Variants in SGCD observed in about 807,000 individuals in gnomAD.
SGCD encodes the protein sarcoglycan delta, also known as delta-sarcoglycan.
In SGCD, 18 loss-of-function variants were observed where a neutral mutation model predicts 36.6. The observed-to-expected ratio is 0.49, with a 90% CI of 0.34 to 0.73. The LOEUF is 0.73. Among genes scored for constraint, SGCD ranks in the 30% least tolerant of loss-of-function variants. The pLI, the probability that SGCD is intolerant of heterozygous loss-of-function variation, is 0.01. For missense variants in SGCD, 387 were observed against 346.7 expected, an observed-to-expected ratio of 1.12 and a Z score of -0.92; for synonymous variants, 133 against 130.6, an observed-to-expected ratio of 1.02 and a Z score of -0.12.
chr5:156,412,774 G>T (rs966288047), intron 3 of SGCD, among the ~76,000 whole-genome samples: 7 of 147,850 alleles, frequency 4.7e-5, no homozygotes, highest in Non-Finnish European at 7.4e-5. Context: ...GATTGAATCA[G>T]GCAGGGTTGG....
chr5:156,145,907 T>C (rs1038952660), intron 3 of SGCD, among the ~76,000 whole-genome samples: 5 of 152,074 alleles, frequency 3.3e-5, no homozygotes, highest in African/African-American at 9.7e-5. Context: ...GAGCAACAGA[T>C]ATAGCTTTAA....
chr5:156,335,291 A>G (rs1768290332), intron 2 of SGCD, among the ~76,000 whole-genome samples: 1 of 152,242 alleles, frequency 6.6e-6, no homozygotes, highest in Admixed American at 6.5e-5. Flanking sequence ...AAACTTAAAT[A>G]CAAGGTATAT....
chr5:155,987,157 CA>C (rs1481965876), intron 1 of SGCD, among the ~76,000 whole-genome samples: 2 of 152,034 alleles, frequency 1.3e-5, no homozygotes, highest in African/African-American at 4.8e-5. Context: ...AGCTTATTTC[CA>C]AAAAGGCCAT....
chr5:155,831,005 AC>A, the SGCD span, among the ~76,000 whole-genome samples: 1 of 152,154 alleles, frequency 6.6e-6, no homozygotes, highest in East Asian at 1.9e-4. Flanking sequence ...TGCTCTCTGA[AC>A]CCCATACATT....
chr5:156,649,824 C>CA (rs1200180914), intron 7 of SGCD, among the ~76,000 whole-genome samples: 1 of 151,978 alleles, frequency 6.6e-6, no homozygotes, highest in Non-Finnish European at 1.5e-5. Context: ...AACAAACCTG[C>CA]ACGTTGTGCA....
rs149869091 is a variant in SGCD, at chr5:156,624,269, T to C, written c.503-23195T>C. 8.7e-4 allele frequency among the ~76,000 whole-genome samples: 133 copies of C among 152,194 alleles called. No individual in the cohort carries two copies. The Middle Eastern group carries it at 0.027, about 31-fold the overall frequency. Reference sequence around the variant, plus strand: ...CCCCACTTCAATAACTTTGATGTTATTGAAGGAAATAACATCAAAAACCAC... The same window carrying C: ...CCCCACTTCAATAACTTTGATGTTACTGAAGGAAATAACATCAAAAACCAC... On this transcript the variant is annotated intron_variant, in intron 6 of 8. Coordinates refer to ENST00000337851, the MANE Select transcript of SGCD (RefSeq NM_000337.6).
chr5:156,743,831 A>G (rs1756812981), intron 7 of SGCD, among the ~76,000 whole-genome samples: 1 of 152,238 alleles, frequency 6.6e-6, no homozygotes, highest in Admixed American at 6.5e-5. Context: ...TACCTGTTTC[A>G]GATAAGAAGG....
At chr5:156,027,646 A>G (rs974606454) in intron 1 of SGCD, among the ~76,000 whole-genome samples, 25 of 152,170 alleles carry the variant, frequency 1.6e-4, no homozygotes, top group African/African-American at 5.8e-4. Flanking sequence ...TGCTGACTAT[A>G]TATTAAAGAA....
At chr5:156,233,320 G>A (rs1765068941) in intron 3 of SGCD, among the ~76,000 whole-genome samples, 1 of 152,192 alleles carries the variant, frequency 6.6e-6, no homozygotes, top group Non-Finnish European at 1.5e-5. Flanking sequence ...TTCGAAAGCT[G>A]CTATAACTTT....
At chr5:155,830,658 C>G in the SGCD span, among the ~76,000 whole-genome samples, 2 of 152,148 alleles carry the variant, frequency 1.3e-5, no homozygotes, top group East Asian at 1.9e-4. Flanking sequence ...CTGTTAAAGA[C>G]TCTTAAAAAC....
At chr5:156,397,257 C>A (rs751653611) in intron 3 of SGCD, among the ~76,000 whole-genome samples, 3 of 152,040 alleles carry the variant, frequency 2.0e-5, no homozygotes, top group Non-Finnish European at 4.4e-5. Flanking sequence ...TTAGGGCAGT[C>A]GGTCTGCAAA....
chr5:156,504,760 G>A (rs1016824666), intron 3 of SGCD, among the ~76,000 whole-genome samples: 2 of 152,148 alleles, frequency 1.3e-5, no homozygotes, highest in African/African-American at 4.8e-5. Flanking sequence ...ATCGTGAAAA[G>A]CACAGAGTAT....
chr5:156,254,804 G>A (rs529326358), intron 3 of SGCD, among the ~76,000 whole-genome samples: 2 of 152,276 alleles, frequency 1.3e-5, no homozygotes, highest in South Asian at 2.1e-4. Flanking sequence ...CTATGATTAC[G>A]TCACTGCACT....
intron 1 of SGCD, among the ~76,000 whole-genome samples, chr5:156,089,923 A>T (rs1761198675): frequency 6.6e-6 from 1 of 152,130 alleles, no homozygotes; most frequent in Non-Finnish European, 1.5e-5. Context: ...AGTTTTCCAC[A>T]GTTAATCTGG....
upstream of SGCD, among the ~76,000 whole-genome samples, chr5:156,324,755 T>C (rs952027091): frequency 6.6e-6 from 1 of 152,148 alleles, no homozygotes; most frequent in Non-Finnish European, 1.5e-5. Flanking sequence ...TCTTTTTTTT[T>C]TTCCCTGAAA....
chr5:156,259,904 C>T (rs543331627), intron 3 of SGCD, among the ~76,000 whole-genome samples: 13 of 152,130 alleles, frequency 8.5e-5, no homozygotes, highest in Admixed American at 3.3e-4. Flanking sequence ...CACCAGATGC[C>T]AGTACCATGC....
intron 3 of SGCD, among the ~76,000 whole-genome samples, chr5:156,379,743 C>T (rs1201020607): frequency 6.6e-6 from 1 of 151,990 alleles, no homozygotes; most frequent in African/African-American, 2.4e-5. Flanking sequence ...ACCAAAGTGA[C>T]GGTGAAGTAG....
At chr5:156,645,062 T>C (rs2113577410) in intron 6 of SGCD, among the ~76,000 whole-genome samples, 1 of 152,230 alleles carries the variant, frequency 6.6e-6, no homozygotes, top group South Asian at 2.1e-4. Context: ...ATTGATTCTA[T>C]GGAATTAAGT....
At chr5:156,259,511 A>G (rs1008806107) in intron 3 of SGCD, among the ~76,000 whole-genome samples, 2 of 151,858 alleles carry the variant, frequency 1.3e-5, no homozygotes, top group Non-Finnish European at 2.9e-5. Context: ...ATGTTTGCCT[A>G]CCTAAACATT....
Sources: allele counts gnomAD v4.1 joint callset (sites outside exome capture counted in the v4.1 genomes callset), GRCh38; gene constraint gnomAD v4.1.1; transcripts MANE v1.5; gene names NCBI Gene and HGNC (gene_info 2026-07-23, HGNC 2026-07-21).